The following SPECC1 variants were observed in gnomAD, a reference collection of about 807,000 sequenced individuals.
The protein encoded by SPECC1 is cytospin-B.
A neutral mutation model predicts 104.1 loss-of-function variants in SPECC1; 62 were observed. That is an observed-to-expected ratio of 0.60 (90% CI 0.49 to 0.74). The LOEUF is 0.74. SPECC1 is among the 30% of genes least tolerant of loss of function. The pLI, the probability that SPECC1 is intolerant of heterozygous loss-of-function variation, is 0.00. For missense variants in SPECC1, 1,306 were observed against 1,310.5 expected (o/e 1.00, Z 0.05); for synonymous variants, 513 against 501.6 (o/e 1.02, Z -0.30).
chr17:20,255,746 TG>T (rs35593452), intron 10 of SPECC1, among the ~76,000 whole-genome samples: 3 of 151,948 alleles, frequency 2.0e-5, no homozygotes, highest in African/African-American at 7.3e-5. Flanking sequence ...AAAAATTTTG[TG>T]GGGGGATAGA....
chr17:20,072,129 G>T (rs576567171), intron 1 of SPECC1, among the ~76,000 whole-genome samples: 9 of 152,190 alleles, frequency 5.9e-5, no homozygotes, highest in Non-Finnish European at 1.3e-4. Context: ...AAGACCTCTA[G>T]TCTTGCAGTG....
chr17:20,049,138 G>A (rs7219688), intron 1 of SPECC1, among the ~76,000 whole-genome samples: 11,175 of 152,130 alleles, frequency 0.073, 550 homozygotes, highest in African/African-American at 0.14. Flanking sequence ...GACGCTGCCA[G>A]ATTGCTTTCC....
intron 1 of SPECC1, chr17:20,018,108 C>G (rs537051874): frequency 6.6e-6 from 1 of 152,266 alleles, no homozygotes; most frequent in African/African-American, 2.4e-5. Flanking sequence ...CCCAGGTAAT[C>G]ACCTTGTCAG....
rs879684634 is a variant in SPECC1, at chr17:20,157,078, A to ATTC, written c.283+46517_283+46518insTCT. On this transcript the variant is annotated intron_variant, in intron 3 of 14. Coordinates refer to ENST00000395527, the MANE Select transcript of SPECC1 (RefSeq NM_001243439.2). ...GCGTAATATTTGAATTTTAATTTGA[A>ATTC]TGAGGACTTTGAGGCTCTGAGAGGT... 4.5e-3 allele frequency among the ~76,000 whole-genome samples: 689 copies of ATTC among 152,150 alleles called. 6 individuals are homozygous for ATTC. The highest frequency in any genetic ancestry group is 7.4e-3 in the Non-Finnish European group (506 of 68,010).
intron 13 of SPECC1, among the ~76,000 whole-genome samples, chr17:20,300,678 G>A (rs930457693): frequency 6.6e-5 from 10 of 152,238 alleles, no homozygotes; most frequent in Admixed American, 1.3e-4. Flanking sequence ...GCGATTCTGA[G>A]CGCAGAGGCT....
chr17:20,280,115 G>C (rs538050297), intron 12 of SPECC1, among the ~76,000 whole-genome samples: 2 of 152,306 alleles, frequency 1.3e-5, no homozygotes, highest in Admixed American at 6.5e-5. Context: ...AATTATCGCA[G>C]TACTGTTTGT....
chr17:20,181,718 T>C (rs1043962598), intron 3 of SPECC1, among the ~76,000 whole-genome samples: 10 of 152,124 alleles, frequency 6.6e-5, no homozygotes, highest in Admixed American at 5.9e-4. Context: ...AAATACCTTT[T>C]TTCTATGCCA....
At chr17:20,239,369 T>A (rs1241466637) in intron 7 of SPECC1, 1 of 773,330 alleles carries the variant, frequency 1.3e-6, no homozygotes, top group African/African-American at 1.9e-5. Flanking sequence ...TCTTTACTCA[T>A]GAATATGTAT....
At position 20,026,535 on chromosome 17, in the gene SPECC1, G is replaced by GT. The variant is rs550127999; in HGVS notation, c.-22+17114dup. Among the ~76,000 whole-genome samples the GT allele has an allele frequency of 1.9e-4, 29 of 151,904 alleles. No homozygotes were observed. In the East Asian group the frequency reaches 4.3e-3, roughly 22 times the overall value. ...CCATGTCTGAGTGAGAACATGTACT[G>GT]TTTATCTTTTTGTGCTTTACTTATT... On this transcript the variant is annotated intron_variant, in intron 1 of 14. Coordinates refer to ENST00000395527, the MANE Select transcript of SPECC1 (RefSeq NM_001243439.2).
At position 20,160,591 on chromosome 17, in the gene SPECC1, T is replaced by C. The variant is rs889320624; in HGVS notation, c.284-43742T>C. Among the ~76,000 whole-genome samples the C allele has an allele frequency of 2.0e-4, 31 of 152,340 alleles. 1 individual carries two copies. Among genetic ancestry groups the C allele is most frequent in the Admixed American group, 6.5e-5 (1 of 15,300 alleles). On this transcript the variant is annotated intron_variant, in intron 3 of 14. Transcript: ENST00000395527. ...AATTTTAATCAGAAAAATTAAGACT[T>C]ACATAGTAAACACCCATGTACCAAC...
chr17:20,215,000 G>T (rs1022737844), intron 4 of SPECC1, among the ~76,000 whole-genome samples: 51 of 152,248 alleles, frequency 3.3e-4, no homozygotes, highest in African/African-American at 1.2e-3. Flanking sequence ...TGAGAAGGGA[G>T]CGTTATCTGC....
intron 4 of SPECC1, among the ~76,000 whole-genome samples, chr17:20,221,877 C>T (rs2037897247): frequency 6.6e-6 from 1 of 151,946 alleles, no homozygotes; most frequent in South Asian, 2.1e-4. Flanking sequence ...ATTTTTTCTT[C>T]TTAATTCCTT....
intron 1 of SPECC1, among the ~76,000 whole-genome samples, chr17:20,030,601 T>C (rs1172507847): frequency 6.6e-6 from 1 of 152,180 alleles, no homozygotes; most frequent in African/African-American, 2.4e-5. Flanking sequence ...TTTTATGCAA[T>C]TGCTTTTTAA....
In SPECC1 at chr17:20,247,335, A is replaced by G. The variant is rs1220091946; in HGVS notation, c.2598+16A>G. ...TCCAATGCAGGTAGATGAGCCCCAG[A>G]AATAACCACTGCTTATGGTTTGCTG... is the stretch of plus-strand genomic sequence containing the variant. On this transcript the variant is annotated intron_variant, in intron 9 of 14. Transcript: ENST00000395527. 3.2e-6 allele frequency: 5 copies of G among 1,578,898 alleles called. No individual in the cohort carries two copies. The highest frequency in any genetic ancestry group is 4.3e-6 in the Non-Finnish European group (5 of 1,149,440).
chr17:20,230,086 A>T (rs2038479058), intron 5 of SPECC1, among the ~76,000 whole-genome samples: 1 of 151,996 alleles, frequency 6.6e-6, no homozygotes, highest in African/African-American at 2.4e-5. Context: ...GTGGGTTTCC[A>T]TGGTTGATGA....
intron 14 of SPECC1, among the ~76,000 whole-genome samples, chr17:20,306,993 G>T (rs1250272239): frequency 6.6e-6 from 1 of 152,044 alleles, no homozygotes; most frequent in Non-Finnish European, 1.5e-5. Flanking sequence ...AGGAAAGAAT[G>T]ATTCTATTTA....
chr17:20,101,627 C>A (rs2152511824), intron 2 of SPECC1, among the ~76,000 whole-genome samples: 1 of 152,296 alleles, frequency 6.6e-6, no homozygotes, highest in East Asian at 1.9e-4. Context: ...AAGAAGAGAA[C>A]CTGCAGTGTC....
At chr17:20,090,392 A>C (rs1355030599) in intron 1 of SPECC1, among the ~76,000 whole-genome samples, 1 of 152,084 alleles carries the variant, frequency 6.6e-6, no homozygotes, top group African/African-American at 2.4e-5. Context: ...ACCTTTGTAA[A>C]CACTTCCTTT....
intron 1 of SPECC1, among the ~76,000 whole-genome samples, chr17:20,053,375 T>C (rs1359795995): frequency 6.6e-6 from 1 of 152,246 alleles, no homozygotes; most frequent in East Asian, 1.9e-4. Context: ...TCAGCATTAA[T>C]TGAACCCCCT....
Sources: allele counts gnomAD v4.1 joint callset (sites outside exome capture counted in the v4.1 genomes callset), GRCh38; gene constraint gnomAD v4.1.1; transcripts MANE v1.5; gene names NCBI Gene and HGNC (gene_info 2026-07-23, HGNC 2026-07-21).